The following SPACA7 variants were observed in gnomAD, a reference collection of about 807,000 sequenced individuals.
SPACA7 encodes the protein sperm acrosome-associated protein 7.
Under a neutral mutation model 26.3 loss-of-function variants are expected in SPACA7, and 19 were observed. That is an observed-to-expected ratio of 0.72 (90% CI 0.50 to 1.06). The LOEUF is 1.06. Among genes scored for constraint, SPACA7 ranks in the 50% least tolerant of loss-of-function variants. The pLI is 0.00. For missense variants in SPACA7, 211 were observed against 229.9 expected (o/e 0.92, Z 0.53); for synonymous variants, 84 against 84.5 (o/e 0.99, Z 0.04).
Position 112,376,487 on chromosome 13 carries a change from C to G in SPACA7, c.94+8C>G, listed in dbSNP as rs768680266. On this transcript the variant is annotated splice_region_variant and intron_variant, in intron 1 of 6. Transcript: ENST00000283550. ...CGAGAACCGTGATTCCAGGTAGGGC[C>G]CCACAGGGATGTCTCAGCAGAAAGA... The G allele has an allele frequency of 6.2e-6, 10 of 1,610,710 alleles. No individual in the cohort carries two copies. The Admixed American group carries it at 6.7e-5, about 11-fold the overall frequency.
At chr13:112,406,308 T>C (rs1258828161) in intron 5 of SPACA7, among the ~76,000 whole-genome samples, 2 of 152,210 alleles carry the variant, frequency 1.3e-5, no homozygotes, top group Non-Finnish European at 2.9e-5. Flanking sequence ...TCTATGAATT[T>C]GACTAGTCAG....
chr13:112,422,241 C>T (rs1025426766), intron 5 of SPACA7, among the ~76,000 whole-genome samples: 1 of 152,050 alleles, frequency 6.6e-6, no homozygotes. Flanking sequence ...GGAAGACACA[C>T]AATAAACTCA....
chr13:112,381,889 T>G (rs934453282), intron 1 of SPACA7, among the ~76,000 whole-genome samples: 10 of 152,146 alleles, frequency 6.6e-5, no homozygotes, highest in African/African-American at 2.4e-4. Context: ...GCAAAATATC[T>G]CAAGCACTGA....
chr13:112,420,129 G>A (rs1594317573), intron 5 of SPACA7, among the ~76,000 whole-genome samples: 1 of 152,308 alleles, frequency 6.6e-6, no homozygotes, highest in African/African-American at 2.4e-5. Flanking sequence ...CCCATTTTAA[G>A]GCATAATACA....
chr13:112,410,366 TAA>T (rs556629330), intron 5 of SPACA7, among the ~76,000 whole-genome samples: 1 of 150,718 alleles, frequency 6.6e-6, no homozygotes, highest in African/African-American at 2.5e-5. Context: ...AAAGTACAAT[TAA>T]AAAAATATAT....
chr13:112,382,202 T>C (rs1884117895), intron 1 of SPACA7: 2 of 462,576 alleles, frequency 4.3e-6, no homozygotes, highest in Non-Finnish European at 7.6e-6. Context: ...CTTGCAAACG[T>C]GGTTTCAATC....
At chr13:112,429,516 T>G (rs1876861625) in intron 5 of SPACA7, among the ~76,000 whole-genome samples, 1 of 152,382 alleles carries the variant, frequency 6.6e-6, no homozygotes, top group Non-Finnish European at 1.5e-5. Context: ...TCTATCATTT[T>G]ACTTTTAACC....
intron 1 of SPACA7, among the ~76,000 whole-genome samples, chr13:112,388,454 C>G (rs541849087): frequency 4.6e-4 from 70 of 152,286 alleles, no homozygotes; most frequent in African/African-American, 1.5e-3. Context: ...CAATTAAATC[C>G]ATGCAAATTG....
chr13:112,393,796 G>A (rs1885054078), intron 2 of SPACA7, among the ~76,000 whole-genome samples: 1 of 152,094 alleles, frequency 6.6e-6, no homozygotes, highest in Non-Finnish European at 1.5e-5. Context: ...GACCATCCTG[G>A]CCAACATGGT....
At chr13:112,383,190 AAAGAAAAG>A (rs1884311125) in intron 1 of SPACA7, among the ~76,000 whole-genome samples, 2 of 137,756 alleles carry the variant, frequency 1.5e-5, no homozygotes, top group African/African-American at 2.9e-5. Flanking sequence ...AGAAAGAAAG[AAAGAAAAG>A]AAAGAAAGAA....
At chr13:112,382,860 G>C (rs978657635) in intron 1 of SPACA7, among the ~76,000 whole-genome samples, 3 of 151,772 alleles carry the variant, frequency 2.0e-5, no homozygotes, top group Non-Finnish European at 4.4e-5. Context: ...ATGGTGGCAG[G>C]TGCCTGTAAT....
intron 5 of SPACA7, among the ~76,000 whole-genome samples, chr13:112,413,872 G>A (rs1464000713): frequency 6.6e-6 from 1 of 152,142 alleles, no homozygotes; most frequent in Non-Finnish European, 1.5e-5. Flanking sequence ...AGGTTTATTT[G>A]GCTCACAGTT....
At position 112,398,034 on chromosome 13, in the gene SPACA7, T is replaced by C; in HGVS notation, c.152-15T>C. On this transcript the variant is annotated splice_polypyrimidine_tract_variant and intron_variant, in intron 2 of 6. Coordinates refer to ENST00000283550, the MANE Select transcript of SPACA7 (RefSeq NM_145248.5). ...CAGGGCCGACTCTAACGTGATCTTGTGTGCTTCTCCCAAGATGAAATTCTG... is the reference window on the plus strand; with the variant it reads ...CAGGGCCGACTCTAACGTGATCTTGCGTGCTTCTCCCAAGATGAAATTCTG... 1 of 1,591,348 alleles carries C rather than the reference T, an allele frequency of 6.3e-7. No homozygotes were observed. The highest frequency in any genetic ancestry group is 8.6e-7 in the Non-Finnish European group (1 of 1,159,658).
intron 5 of SPACA7, among the ~76,000 whole-genome samples, chr13:112,431,286 A>G (rs1877111380): frequency 6.6e-6 from 1 of 152,182 alleles, no homozygotes; most frequent in Non-Finnish European, 1.5e-5. Context: ...TAAGAGGAAA[A>G]TAGATCTGCA....
chr13:112,396,257 A>G (rs116103711), intron 2 of SPACA7, among the ~76,000 whole-genome samples: 5,687 of 151,996 alleles, frequency 0.037, 325 homozygotes, highest in African/African-American at 0.13. Flanking sequence ...CAGCCCATCC[A>G]CCATGGACGG....
At chr13:112,383,026 A>AAG (rs1555324355) in intron 1 of SPACA7, among the ~76,000 whole-genome samples, 4 of 95,220 alleles carry the variant, frequency 4.2e-5, no homozygotes, top group African/African-American at 7.1e-5. Context: ...GAAAGAAAGA[A>AAG]AGAGAGAGAG....
chr13:112,393,024 C>T lies in SPACA7; in HGVS notation c.98C>T (p.Ser33Leu). ...ELRPRTVIPG[S>L]PTEIPFSSKQ... is the part of the protein sequence containing the mutation. ...TAGGGTTTTTATTTCCTTCTAGGTTCACCTACTGAAATACCATTCAGTTCA... is the reference window on the plus strand; with the variant it reads ...TAGGGTTTTTATTTCCTTCTAGGTTTACCTACTGAAATACCATTCAGTTCA... The change falls in exon 2 of 7, where the codon TCA (serine) becomes TTA (leucine). Residue 33 changes from serine (S) to leucine (L), a missense_variant. Physicochemically the swap from Ser to Leu is moderately radical, Grantham distance 145 (BLOSUM62 -2). Transcript: ENST00000283550. The T allele has an allele frequency of 6.2e-7, 1 of 1,610,548 alleles. No homozygotes were observed. Among genetic ancestry groups the T allele is most frequent in the African/African-American group, 1.3e-5 (1 of 74,996 alleles).
At chr13:112,432,341 T>C in intron 5 of SPACA7, 103 bp from the exon 6 acceptor site, 2 of 899,698 alleles carry the variant, frequency 2.2e-6, no homozygotes, top group Non-Finnish European at 3.6e-6. Context: ...GCGTGGGTGC[T>C]GCTTTGCTCA....
At chr13:112,389,727 T>C (rs1291207027) in intron 1 of SPACA7, among the ~76,000 whole-genome samples, 7 of 152,238 alleles carry the variant, frequency 4.6e-5, no homozygotes, top group Non-Finnish European at 1.0e-4. Flanking sequence ...TATGGCTTCA[T>C]TCTTAAATTT....
Sources: allele counts gnomAD v4.1 joint callset (sites outside exome capture counted in the v4.1 genomes callset), GRCh38; gene constraint gnomAD v4.1.1; transcripts MANE v1.5; gene names NCBI Gene and HGNC (gene_info 2026-07-23, HGNC 2026-07-21).